Variants in ERBB4 observed in about 807,000 individuals in gnomAD.
ERBB4 encodes the protein receptor tyrosine-protein kinase erbB-4.
A neutral mutation model predicts 158.0 loss-of-function variants in ERBB4; 42 were observed. That is an observed-to-expected ratio of 0.27 (90% CI 0.21 to 0.34). The LOEUF is 0.34. Among genes scored for constraint, ERBB4 ranks in the 10% least tolerant of loss-of-function variants. The pLI is 1.00. For missense variants in ERBB4, 1,333 were observed against 1,624.1 expected, an observed-to-expected ratio of 0.82 and a Z score of 3.08; for synonymous variants, 583 against 558.7, an observed-to-expected ratio of 1.04 and a Z score of -0.61.
chr2:212,290,534 G>A (rs530239680), intron 1 of ERBB4, among the ~76,000 whole-genome samples: 1 of 152,140 alleles, frequency 6.6e-6, no homozygotes, highest in East Asian at 1.9e-4. Flanking sequence ...AGCTCCTTAG[G>A]GCACATAGCT....
In ERBB4 at chr2:211,828,859, T is replaced by A. The variant is rs1192712783; in HGVS notation, c.422-40700A>T. 2.0e-5 allele frequency among the ~76,000 whole-genome samples: 3 copies of A among 152,126 alleles called. No homozygotes were observed. The East Asian group carries it at 5.8e-4, about 29-fold the overall frequency. On this transcript the variant is annotated intron_variant, in intron 3 of 27. Coordinates refer to ENST00000342788, the MANE Select transcript of ERBB4 (RefSeq NM_005235.3). ...CTGCCAAGCATGCTCCAGCATCACA[T>A]GCTGCCTCCTTTTCTGGGAGCACTG...
intron 2 of ERBB4, among the ~76,000 whole-genome samples, chr2:212,039,728 G>T (rs758203103): frequency 6.6e-6 from 1 of 152,068 alleles, no homozygotes; most frequent in South Asian, 2.1e-4. Context: ...TTTCAGAATA[G>T]GGAAAATAAG....
At chr2:211,494,095 T>G (rs557079302) in intron 20 of ERBB4, among the ~76,000 whole-genome samples, 2 of 152,220 alleles carry the variant, frequency 1.3e-5, no homozygotes, top group Admixed American at 1.3e-4. Context: ...CTCTGCCTCC[T>G]GGGTTCAAAC....
At chr2:211,940,324 G>A (rs753150281) in intron 3 of ERBB4, among the ~76,000 whole-genome samples, 7 of 152,054 alleles carry the variant, frequency 4.6e-5, no homozygotes, top group Non-Finnish European at 1.0e-4. Context: ...GGACTCTGAG[G>A]AGCAAAAATG....
At chr2:212,233,539 C>G (rs2083740167) in intron 1 of ERBB4, among the ~76,000 whole-genome samples, 1 of 152,044 alleles carries the variant, frequency 6.6e-6, no homozygotes. Context: ...ACATAAGGAT[C>G]TGAGTTCTAA....
chr2:212,514,429 A>C (rs1414307789), intron 1 of ERBB4, among the ~76,000 whole-genome samples: 1 of 152,230 alleles, frequency 6.6e-6, no homozygotes, highest in African/African-American at 2.4e-5. Context: ...ATAATTTTTC[A>C]GCATTATTCA....
At chr2:211,430,570 C>T (rs998127415) in intron 21 of ERBB4, among the ~76,000 whole-genome samples, 5 of 152,080 alleles carry the variant, frequency 3.3e-5, no homozygotes, top group African/African-American at 9.7e-5. Flanking sequence ...GTTAGTGCTA[C>T]GGTCTTTAGA....
chr2:212,152,856 A>G (rs934605000), intron 1 of ERBB4, among the ~76,000 whole-genome samples: 2 of 152,198 alleles, frequency 1.3e-5, no homozygotes, highest in Non-Finnish European at 2.9e-5. Flanking sequence ...CTGAGTTATG[A>G]CATGATCTGG....
intron 4 of ERBB4, among the ~76,000 whole-genome samples, chr2:211,780,646 G>C (rs1041506684): frequency 1.8e-4 from 27 of 152,212 alleles, no homozygotes; most frequent in Non-Finnish European, 3.1e-4. Context: ...TAAAAAGGCA[G>C]CTGAGCTGCC....
chr2:212,185,065 G>A (rs13428273), intron 1 of ERBB4, among the ~76,000 whole-genome samples: 33,108 of 148,564 alleles, frequency 0.22, 4,117 homozygotes, highest in African/African-American at 0.3. Flanking sequence ...CTGTTGCCCA[G>A]GCTGGAATGT....
At chr2:212,270,852 CCTGA>C (rs1559892440) in intron 1 of ERBB4, among the ~76,000 whole-genome samples, 1 of 151,514 alleles carries the variant, frequency 6.6e-6, no homozygotes. Context: ...GAGAGAGAGA[CCTGA>C]CTATTTCCCA....
chr2:211,405,321 T>A (rs2063125338), intron 25 of ERBB4, among the ~76,000 whole-genome samples: 1 of 152,158 alleles, frequency 6.6e-6, no homozygotes, highest in Non-Finnish European at 1.5e-5. Context: ...AATAAAATTG[T>A]ATCTAATGCT....
chr2:211,953,052 G>A (rs839517), intron 2 of ERBB4, among the ~76,000 whole-genome samples: 48,747 of 151,790 alleles, frequency 0.32, 8,827 homozygotes, highest in African/African-American at 0.49. Context: ...AGACTCTGGC[G>A]CTGAACATTT....
intron 5 of ERBB4, among the ~76,000 whole-genome samples, chr2:211,729,419 A>C (rs1194882148): frequency 6.6e-6 from 1 of 151,854 alleles, no homozygotes; most frequent in African/African-American, 2.4e-5. Context: ...AAATTCAGTA[A>C]GCATGAAGCA....
intron 1 of ERBB4, among the ~76,000 whole-genome samples, chr2:212,313,435 G>T (rs1394231627): frequency 6.6e-6 from 1 of 150,708 alleles, no homozygotes; most frequent in Non-Finnish European, 1.5e-5. Context: ...AACATGCCAA[G>T]TGTACAACTA....
At chr2:212,352,393 A>G (rs935471003) in intron 1 of ERBB4, among the ~76,000 whole-genome samples, 4 of 152,118 alleles carry the variant, frequency 2.6e-5, no homozygotes, top group Non-Finnish European at 5.9e-5. Context: ...AATCAAGACA[A>G]AAATCTTGAC....
intron 2 of ERBB4, among the ~76,000 whole-genome samples, chr2:212,122,861 G>A (rs1233500590): frequency 6.6e-6 from 1 of 151,974 alleles, no homozygotes; most frequent in African/African-American, 2.4e-5. Context: ...TGTTGTCAGT[G>A]AAATTTAGTT....
At chr2:211,718,275 T>C (rs1447616662) in intron 7 of ERBB4, among the ~76,000 whole-genome samples, 2 of 152,168 alleles carry the variant, frequency 1.3e-5, no homozygotes, top group East Asian at 3.9e-4. Context: ...AAGGTGTTAT[T>C]TAAAAATCAC....
At chr2:212,415,553 C>A (rs1187745144) in intron 1 of ERBB4, among the ~76,000 whole-genome samples, 1 of 151,982 alleles carries the variant, frequency 6.6e-6, no homozygotes, top group Non-Finnish European at 1.5e-5. Flanking sequence ...ACATAAAGTT[C>A]TTTGGATGGA....
Sources: allele counts gnomAD v4.1 joint callset (sites outside exome capture counted in the v4.1 genomes callset), GRCh38; gene constraint gnomAD v4.1.1; transcripts MANE v1.5; gene names NCBI Gene and HGNC (gene_info 2026-07-23, HGNC 2026-07-21).